Variants in GPD2 observed in about 807,000 individuals in gnomAD.
The protein encoded by GPD2 is glycerol-3-phosphate dehydrogenase 2.
In GPD2, 54 loss-of-function variants were observed where a neutral mutation model predicts 82.4. The observed-to-expected ratio is 0.66, with a 90% CI of 0.53 to 0.82. GPD2 has a LOEUF of 0.82. GPD2 is among the 40% of genes least tolerant of loss of function. GPD2 has a pLI of 0.00. For missense variants in GPD2, 748 were observed against 896.2 expected (o/e 0.83, Z 2.11); for synonymous variants, 288 against 306.1 (o/e 0.94, Z 0.62).
chr2:156,567,734 C>T (rs1474100970), intron 9 of GPD2, among the ~76,000 whole-genome samples: 2 of 152,026 alleles, frequency 1.3e-5, no homozygotes, highest in Non-Finnish European at 2.9e-5. Context: ...GGGCAGATTC[C>T]GAAAATTCTG....
chr2:156,551,099 C>CA (rs1313517134), intron 8 of GPD2, among the ~76,000 whole-genome samples: 1 of 151,968 alleles, frequency 6.6e-6, no homozygotes, highest in Non-Finnish European at 1.5e-5. Context: ...TTAGTTAAAA[C>CA]AATAAGACAT....
chr2:156,520,648 G>A (rs955129666), intron 6 of GPD2, among the ~76,000 whole-genome samples: 4 of 151,120 alleles, frequency 2.6e-5, no homozygotes, highest in African/African-American at 9.7e-5. Context: ...CCAGTGGCAC[G>A]ATCTTGGCTT....
Position 156,510,888 on chromosome 2 carries a change from CAGA to C in GPD2, c.370_372del (p.Lys124del). On this transcript the variant is annotated inframe_deletion, in exon 4 of 17. Coordinates refer to ENST00000438166, the MANE Select transcript of GPD2 (RefSeq NM_000408.5). ...GATCCATGGTGGTGTGAGATATCTG[CAGA>C]AGGCCATCATGAAGTTGGATATTGA... The C allele has an allele frequency of 1.9e-6, 3 of 1,613,020 alleles. No individual in the cohort carries two copies. The highest frequency in any genetic ancestry group is 2.5e-6 in the Non-Finnish European group (3 of 1,178,996).
chr2:156,451,400 G>A (rs1296093045), intron 1 of GPD2, among the ~76,000 whole-genome samples: 1 of 141,802 alleles, frequency 7.1e-6, no homozygotes, highest in East Asian at 2.2e-4. Context: ...CCCGGACGGG[G>A]CAGCTGGCAG....
At chr2:156,568,724 A>G (rs1014623439) in intron 9 of GPD2, 101 bp from the exon 10 acceptor site, 2 of 978,588 alleles carry the variant, frequency 2.0e-6, no homozygotes, top group East Asian at 2.5e-5. Context: ...AAGTGCACAC[A>G]TGTGTATTCC....
At chr2:156,472,009 A>G (rs1025411052) in intron 1 of GPD2, among the ~76,000 whole-genome samples, 2 of 152,244 alleles carry the variant, frequency 1.3e-5, no homozygotes, top group African/African-American at 4.8e-5. Flanking sequence ...TATGTGATTT[A>G]ATTAAAAGGC....
chr2:156,521,131 G>A (rs924154095), intron 6 of GPD2, among the ~76,000 whole-genome samples: 1 of 152,070 alleles, frequency 6.6e-6, no homozygotes, highest in Non-Finnish European at 1.5e-5. Flanking sequence ...CCATCAAGAG[G>A]AAAATGAATA....
At chr2:156,401,128 A>G in the GPD2 span, among the ~76,000 whole-genome samples, 2 of 152,326 alleles carry the variant, frequency 1.3e-5, no homozygotes, top group African/African-American at 2.4e-5. Flanking sequence ...CCCACAGAAA[A>G]AAACTAGAAG....
intron 16 of GPD2, 143 bp from the exon 17 acceptor site, chr2:156,582,650 C>A: frequency 1.2e-6 from 1 of 867,148 alleles, no homozygotes; most frequent in Non-Finnish European, 1.9e-6. Flanking sequence ...TTAGACTCTT[C>A]TTATCTGAGC....
chr2:156,478,011 G>T (rs1456909209), intron 2 of GPD2, among the ~76,000 whole-genome samples: 1 of 152,086 alleles, frequency 6.6e-6, no homozygotes, highest in Admixed American at 6.5e-5. Flanking sequence ...TTTATATGTG[G>T]TTTATATCTT....
chr2:156,558,979 A>G (rs916763155), intron 9 of GPD2, among the ~76,000 whole-genome samples: 1 of 151,674 alleles, frequency 6.6e-6, no homozygotes, highest in Non-Finnish European at 1.5e-5. Flanking sequence ...CCATCCCTGC[A>G]TTCTGTGGTC....
At chr2:156,413,685 AC>A in the GPD2 span, among the ~76,000 whole-genome samples, 2 of 152,056 alleles carry the variant, frequency 1.3e-5, no homozygotes, top group Non-Finnish European at 2.9e-5. Flanking sequence ...TGGGCGGATC[AC>A]CTAAGGTCGG....
chr2:156,422,050 A>G, the GPD2 span, among the ~76,000 whole-genome samples: 2 of 152,124 alleles, frequency 1.3e-5, no homozygotes, highest in Non-Finnish European at 2.9e-5. Flanking sequence ...TTGCTTGAGT[A>G]CAGGAGTTTG....
chr2:156,429,789 C>G, the GPD2 span, among the ~76,000 whole-genome samples: 1 of 152,148 alleles, frequency 6.6e-6, no homozygotes, highest in Non-Finnish European at 1.5e-5. Context: ...ATGTCTATAA[C>G]TCTGCTGTTA....
chr2:156,466,892 C>T (rs1400549841), intron 1 of GPD2, among the ~76,000 whole-genome samples: 1 of 152,192 alleles, frequency 6.6e-6, no homozygotes, highest in Non-Finnish European at 1.5e-5. Context: ...TCTTAGCCAG[C>T]TTCTCCTGTC....
chr2:156,467,494 T>C (rs573364167), intron 1 of GPD2, among the ~76,000 whole-genome samples: 131 of 152,380 alleles, frequency 8.6e-4, no homozygotes, highest in African/African-American at 3.1e-3. Flanking sequence ...TGTTGTTTGA[T>C]ATCCTGTTCA....
At chr2:156,452,556 TGGGGAGA>T (rs914888502) in intron 1 of GPD2, among the ~76,000 whole-genome samples, 19 of 151,812 alleles carry the variant, frequency 1.3e-4, no homozygotes, top group Middle Eastern at 3.4e-3. Flanking sequence ...AGGGAGACCG[TGGGGAGA>T]GGGGAGAGGG....
At chr2:156,449,087 C>T (rs1682463630) in intron 1 of GPD2, among the ~76,000 whole-genome samples, 1 of 152,212 alleles carries the variant, frequency 6.6e-6, no homozygotes, top group Admixed American at 6.5e-5. Flanking sequence ...AAAGTGATTA[C>T]ATTTAGGGTT....
At chr2:156,402,012 A>T in the GPD2 span, among the ~76,000 whole-genome samples, 1 of 152,196 alleles carries the variant, frequency 6.6e-6, no homozygotes, top group Non-Finnish European at 1.5e-5. Context: ...TTTGGGGAAA[A>T]GTTATGAGAA....
Sources: allele counts gnomAD v4.1 joint callset (sites outside exome capture counted in the v4.1 genomes callset), GRCh38; gene constraint gnomAD v4.1.1; transcripts MANE v1.5; gene names NCBI Gene and HGNC (gene_info 2026-07-23, HGNC 2026-07-21).